Variants in DTHD1 observed in about 807,000 individuals in gnomAD.
DTHD1 encodes the protein death domain-containing protein 1.
A neutral mutation model predicts 74.8 loss-of-function variants in DTHD1; 59 were observed. The observed-to-expected ratio is 0.79, with a 90% confidence interval of 0.64 to 0.98. The LOEUF (loss-of-function observed/expected upper bound fraction) is 0.98. DTHD1 is among the 50% of genes least tolerant of loss of function. The pLI is 0.00. For synonymous variants in DTHD1, 365 were observed against 371.1 expected, an observed-to-expected ratio of 0.98 and a Z score of 0.19; for missense variants, 1,051 against 1,065.4, an observed-to-expected ratio of 0.99 and a Z score of 0.19.
intron 1 of DTHD1, among the ~76,000 whole-genome samples, chr4:36,283,094 C>T (rs1755490958): frequency 6.6e-6 from 1 of 152,156 alleles, no homozygotes; most frequent in African/African-American, 2.4e-5. Flanking sequence ...GCTTTAAAAA[C>T]ACTAAGCTAT....
At chr4:36,301,971 A>G (rs879427634) in intron 5 of DTHD1, among the ~76,000 whole-genome samples, 1 of 152,200 alleles carries the variant, frequency 6.6e-6, no homozygotes, top group Non-Finnish European at 1.5e-5. Context: ...ACTGAATAAA[A>G]TATAAGACAG....
chr4:36,333,096 A>G (rs1402736159), intron 8 of DTHD1, among the ~76,000 whole-genome samples: 2 of 152,188 alleles, frequency 1.3e-5, no homozygotes, highest in Non-Finnish European at 2.9e-5. Context: ...GCATGCACAT[A>G]TTTTATAAAT....
Position 36,290,657 on chromosome 4 carries a change from G to A in DTHD1, c.1172G>A (p.Ser391Asn), listed in dbSNP as rs1756022973. The A allele has an allele frequency of 6.5e-7, 1 of 1,545,670 alleles. No homozygotes were observed. The highest frequency in any genetic ancestry group is 1.4e-5 in the African/African-American group (1 of 73,144). The change falls in exon 3 of 10, where the codon AGT (serine) becomes AAT (asparagine). Residue 391 changes from serine (S) to asparagine (N), a missense_variant. Ser to Asn is a conservative substitution (Grantham distance 46). Transcript: ENST00000639862. The part of the protein sequence containing the change: ...VKVCDINLQS[S>N]YLNPNSLEGM... ...GTGTGTGACATAAACCTTCAATCAA[G>A]TTACCTAAACCCAAATTCACTAGAA...
At chr4:36,308,916 C>T (rs1348188832) in intron 7 of DTHD1, among the ~76,000 whole-genome samples, 1 of 152,122 alleles carries the variant, frequency 6.6e-6, no homozygotes, top group Non-Finnish European at 1.5e-5. Context: ...ATTTTTACCT[C>T]CTATTCTATC....
chr4:36,312,408 T>C (rs1244837219), intron 7 of DTHD1, among the ~76,000 whole-genome samples: 1 of 152,082 alleles, frequency 6.6e-6, no homozygotes, highest in Non-Finnish European at 1.5e-5. Flanking sequence ...CTTAGGTATA[T>C]TAAAGTCTAA....
intron 8 of DTHD1, among the ~76,000 whole-genome samples, chr4:36,319,491 A>T (rs1017175613): frequency 6.6e-6 from 1 of 152,218 alleles, no homozygotes; most frequent in African/African-American, 2.4e-5. Context: ...CTCTCCAGGC[A>T]GCTCAGCTGG....
chr4:36,282,235 A>G (rs1004057385), intron 1 of DTHD1, among the ~76,000 whole-genome samples: 2 of 152,172 alleles, frequency 1.3e-5, no homozygotes, highest in Non-Finnish European at 2.9e-5. Flanking sequence ...ACATGAATGA[A>G]GTGCTTTTGG....
chr4:36,338,638 T>C (rs911756249), intron 8 of DTHD1, among the ~76,000 whole-genome samples: 1 of 151,812 alleles, frequency 6.6e-6, no homozygotes, highest in Admixed American at 6.6e-5. Flanking sequence ...AATAAATATA[T>C]TTACTTCTTG....
At chr4:36,283,818 A>C in intron 1 of DTHD1, 158 bp from the exon 2 acceptor site, 1 of 605,606 alleles carries the variant, frequency 1.7e-6, no homozygotes, top group Non-Finnish European at 2.9e-6. Context: ...TGACAGTTAT[A>C]CAATTACTTC....
At chr4:36,285,736 C>A (rs1755665942) in intron 2 of DTHD1, among the ~76,000 whole-genome samples, 2 of 152,046 alleles carry the variant, frequency 1.3e-5, no homozygotes, top group African/African-American at 2.4e-5. Context: ...GGGCAACTTG[C>A]TTCATTTCTC....
At position 36,293,528 on chromosome 4, in the gene DTHD1, G is replaced by T; in HGVS notation, c.1221G>T (p.Gly407=). Residue 407 remains glycine, a splice_region_variant and synonymous_variant, in exon 4 of 10, where the codon GGG becomes GGT. Transcript: ENST00000639862. ...TTAATGTTCTTTATTCTATACAGGG[G>T]ACCTGTGCTTCAGTAAAAGTTTACA... ...SLEGMKGGYK[G]TCASVKVYKL... The T allele has an allele frequency of 6.5e-7, 1 of 1,536,810 alleles. No individual in the cohort carries two copies. The highest frequency in any genetic ancestry group is 1.4e-5 in the African/African-American group (1 of 72,658).
chr4:36,315,775 G>C (rs1051288314), intron 7 of DTHD1: 1 of 152,308 alleles, frequency 6.6e-6, no homozygotes, highest in Non-Finnish European at 1.5e-5. Flanking sequence ...CCCAACAACC[G>C]ATGAGAAATC....
chr4:36,308,621 A>G (rs894341518), intron 7 of DTHD1, 128 bp downstream of exon 7: 2 of 738,274 alleles, frequency 2.7e-6, no homozygotes, highest in South Asian at 2.2e-5. Context: ...GGAAGTAGGA[A>G]GAGAAAAAGA....
chr4:36,314,979 G>A (rs1757630174), intron 7 of DTHD1, among the ~76,000 whole-genome samples: 1 of 152,038 alleles, frequency 6.6e-6, no homozygotes, highest in Admixed American at 6.6e-5. Flanking sequence ...GCTCTAAGAA[G>A]CTCAGAGATA....
At position 36,346,617 on chromosome 4, in the gene DTHD1, A is replaced by AC. The variant is rs144742746; in HGVS notation, c.*2795dup. On this transcript the variant is annotated 3_prime_UTR_variant, in exon 10 of 10. Coordinates refer to ENST00000639862, the MANE Select transcript of DTHD1 (RefSeq NM_001170700.3). ...CCTCAGTATTGATAGACACACCCAT[A>AC]CCTTTGCATACCCATTTCTCTGTCT... Among the ~76,000 whole-genome samples the AC allele has an allele frequency of 2.0e-5, 3 of 151,978 alleles. No homozygotes were observed. In the East Asian group the frequency reaches 5.8e-4, roughly 29 times the overall value.
chr4:36,295,188 A>C, intron 5 of DTHD1, 149 bp downstream of exon 5: 2 of 1,099,012 alleles, frequency 1.8e-6, no homozygotes, highest in Non-Finnish European at 2.4e-6. Context: ...TTGTGGATCC[A>C]CAAAAGGTAA....
At chr4:36,314,503 C>A in intron 7 of DTHD1, among the ~76,000 whole-genome samples, 1 of 137,954 alleles carries the variant, frequency 7.2e-6, no homozygotes. Flanking sequence ...GGTAAAACCC[C>A]GTCTCTACAA....
chr4:36,289,533 C>A (rs532429393), intron 2 of DTHD1, among the ~76,000 whole-genome samples: 1 of 152,240 alleles, frequency 6.6e-6, no homozygotes, highest in East Asian at 1.9e-4. Flanking sequence ...TTCTGAGCCT[C>A]AGTGTTTTTA....
At chr4:36,306,165 A>G (rs183393034) in intron 5 of DTHD1, 26 bp from the exon 6 acceptor site, 12 of 1,533,344 alleles carry the variant, frequency 7.8e-6, no homozygotes, top group Non-Finnish European at 8.8e-7. Flanking sequence ...AATTGTACCA[A>G]TATCTCTTCT....
Sources: gnomAD v4.1 joint callset for allele counts (sites outside exome capture counted in the v4.1 genomes callset) on GRCh38, gnomAD v4.1.1 for gene constraint, MANE v1.5 for transcripts, NCBI Gene and HGNC (gene_info 2026-07-23, HGNC 2026-07-21) for gene names.